Variants in PHACTR1 observed in about 807,000 individuals in gnomAD.
PHACTR1 encodes the protein RPEL repeat containing 1.
PHACTR1 carries 16 observed loss-of-function variants against 69.2 expected under a neutral mutation model. The ratio of observed to expected loss-of-function variants is 0.23; its 90% CI spans 0.16 to 0.35. The LOEUF (loss-of-function observed/expected upper bound fraction) is 0.35, where lower values mean the gene tolerates loss of function less well. PHACTR1 is among the 10% of genes least tolerant of loss of function. The pLI, the probability that PHACTR1 is intolerant of heterozygous loss-of-function variation, is 1.00. For synonymous variants in PHACTR1, 312 were observed against 284.5 expected (o/e 1.10, Z -0.97); for missense variants, 510 against 734.7 (o/e 0.69, Z 3.54).
chr6:13,247,364 T>TGTGTGTGTGTGTGA (rs1554171040), intron 10 of PHACTR1, among the ~76,000 whole-genome samples: 22 of 149,960 alleles, frequency 1.5e-4, no homozygotes, highest in African/African-American at 5.4e-4. Context: ...TGTGTGTGTG[T>TGTGTGTGTGTGTGA]GACGGAGTTT....
chr6:13,198,740 G>A (rs1490127330), intron 7 of PHACTR1, among the ~76,000 whole-genome samples: 1 of 152,116 alleles, frequency 6.6e-6, no homozygotes, highest in African/African-American at 2.4e-5. Context: ...CATGCAGGCC[G>A]CCGGTTGGAC....
intron 10 of PHACTR1, among the ~76,000 whole-genome samples, chr6:13,271,361 C>A (rs1338427102): frequency 6.6e-6 from 1 of 152,130 alleles, no homozygotes; most frequent in Admixed American, 6.5e-5. Flanking sequence ...CGACAAATAT[C>A]CAAACTATAT....
At chr6:12,925,395 A>T (rs1254928635) in intron 4 of PHACTR1, among the ~76,000 whole-genome samples, 1 of 152,198 alleles carries the variant, frequency 6.6e-6, no homozygotes, top group Non-Finnish European at 1.5e-5. Flanking sequence ...AAACCTAAGA[A>T]CACTCTTTCA....
chr6:12,886,119 C>A (rs562483210), intron 4 of PHACTR1, among the ~76,000 whole-genome samples: 2 of 151,882 alleles, frequency 1.3e-5, no homozygotes, highest in South Asian at 2.1e-4. Context: ...AAACAGAAAA[C>A]AAAACAAAAA....
chr6:13,209,097 CCAAA>C (rs760623560), intron 8 of PHACTR1, among the ~76,000 whole-genome samples: 21 of 152,100 alleles, frequency 1.4e-4, no homozygotes, highest in Non-Finnish European at 2.6e-4. Context: ...GGCCCTCTTC[CCAAA>C]CAAAGACCAT....
intron 10 of PHACTR1, among the ~76,000 whole-genome samples, chr6:13,241,261 T>TA (rs1772801465): frequency 1.3e-5 from 2 of 152,226 alleles, no homozygotes; most frequent in African/African-American, 4.8e-5. Context: ...ATTTCAGTAA[T>TA]ACCTGTGCCT....
At chr6:13,215,031 A>G (rs1445385417) in intron 8 of PHACTR1, among the ~76,000 whole-genome samples, 2 of 152,242 alleles carry the variant, frequency 1.3e-5, no homozygotes, top group African/African-American at 4.8e-5. Context: ...AGCTAAATGA[A>G]GAAAGCACTG....
chr6:12,766,095 A>T (rs767442917), intron 4 of PHACTR1, among the ~76,000 whole-genome samples: 7 of 152,188 alleles, frequency 4.6e-5, no homozygotes, highest in African/African-American at 9.7e-5. Context: ...GACAAAAATC[A>T]TGGGTGCCTC....
intron 5 of PHACTR1, among the ~76,000 whole-genome samples, chr6:13,081,807 A>C (rs1476743478): frequency 1.3e-5 from 2 of 152,182 alleles, no homozygotes; most frequent in African/African-American, 4.8e-5. Flanking sequence ...AGCCTAGGCG[A>C]TGGAGTAAGA....
chr6:13,014,874 C>T (rs903724751), intron 4 of PHACTR1, among the ~76,000 whole-genome samples: 2 of 152,222 alleles, frequency 1.3e-5, no homozygotes, highest in African/African-American at 2.4e-5. Flanking sequence ...AGCGAGGGAC[C>T]GCCGGCGCGG....
intron 4 of PHACTR1, among the ~76,000 whole-genome samples, chr6:12,941,911 A>C (rs1250989846): frequency 6.6e-6 from 1 of 152,192 alleles, no homozygotes; most frequent in East Asian, 1.9e-4. Context: ...AATTAACTAA[A>C]ATGCATTTTC....
intron 4 of PHACTR1, among the ~76,000 whole-genome samples, chr6:12,917,564 G>A (rs1787150216): frequency 6.6e-6 from 1 of 152,078 alleles, no homozygotes; most frequent in Non-Finnish European, 1.5e-5. Context: ...ACAAGCCTGG[G>A]CAACAAAATG....
At chr6:13,277,402 A>G (rs982296883) in intron 11 of PHACTR1, among the ~76,000 whole-genome samples, 1 of 152,288 alleles carries the variant, frequency 6.6e-6, no homozygotes, top group East Asian at 1.9e-4. Context: ...AGATTCAAAC[A>G]ATCGATGGAA....
chr6:13,018,357 T>C (rs1405657760), intron 4 of PHACTR1, among the ~76,000 whole-genome samples: 1 of 152,182 alleles, frequency 6.6e-6, no homozygotes, highest in Non-Finnish European at 1.5e-5. Flanking sequence ...TCTGGAAACG[T>C]ACTGCCTGTT....
intron 8 of PHACTR1, among the ~76,000 whole-genome samples, chr6:13,209,958 C>T (rs1363346406): frequency 6.6e-6 from 1 of 152,128 alleles, no homozygotes; most frequent in Admixed American, 6.5e-5. Context: ...TCGTGTTCCC[C>T]TGAGATTATA....
intron 5 of PHACTR1, among the ~76,000 whole-genome samples, chr6:13,124,066 G>C (rs1319089125): frequency 2.0e-5 from 3 of 152,146 alleles, no homozygotes; most frequent in Non-Finnish European, 2.9e-5. Flanking sequence ...TATCCAAAAG[G>C]CTGAGCCAAG....
chr6:13,006,855 T>C (rs1390856874), intron 4 of PHACTR1, among the ~76,000 whole-genome samples: 1 of 152,230 alleles, frequency 6.6e-6, no homozygotes, highest in Non-Finnish European at 1.5e-5. Context: ...AGGGAAGCCA[T>C]AGCTGCTATC....
intron 12 of PHACTR1, chr6:13,279,358 C>T (rs552593423): frequency 3.3e-5 from 5 of 152,240 alleles, no homozygotes; most frequent in Non-Finnish European, 4.4e-5. Flanking sequence ...TTCTGTCTGA[C>T]GAAGTCAAAG....
chr6:13,238,768 G>A (rs751932290), intron 10 of PHACTR1, among the ~76,000 whole-genome samples: 2 of 152,164 alleles, frequency 1.3e-5, no homozygotes, highest in African/African-American at 4.8e-5. Context: ...TGCTGAGTGT[G>A]AGCTGGCATC....
Sources: gnomAD v4.1 joint callset for allele counts (sites outside exome capture counted in the v4.1 genomes callset) on GRCh38, gnomAD v4.1.1 for gene constraint, MANE v1.5 for transcripts, NCBI Gene and HGNC (gene_info 2026-07-23, HGNC 2026-07-21) for gene names.